Variants in FYB2 observed in about 807,000 individuals in gnomAD.
The protein encoded by FYB2 is FYN-binding protein 2.
In FYB2, 103 loss-of-function variants were observed where a neutral mutation model predicts 94.1. The ratio of observed to expected loss-of-function variants is 1.09; its 90% CI spans 0.93 to 1.29. The LOEUF is 1.29. Among genes scored for constraint, FYB2 ranks in the 50% most tolerant of loss-of-function variants. The probability of loss-of-function intolerance (pLI) is 0.00; values close to 1 mark genes in which losing one functional copy is unlikely to be tolerated. For missense variants in FYB2, 896 were observed against 841.5 expected (o/e 1.06, Z -0.80); for synonymous variants, 293 against 287.9 (o/e 1.02, Z -0.18).
At chr1:56,787,587 A>G (rs370654199) in intron 3 of FYB2, among the ~76,000 whole-genome samples, 13 of 152,218 alleles carry the variant, frequency 8.5e-5, no homozygotes, top group African/African-American at 3.1e-4. Context: ...TTCCTGGTAT[A>G]CCAAGCACTA....
intron 1 of FYB2, among the ~76,000 whole-genome samples, chr1:56,793,393 A>C (rs1003059694): frequency 6.6e-6 from 1 of 151,002 alleles, no homozygotes; most frequent in African/African-American, 2.5e-5. Context: ...CTGCCTACTA[A>C]TCCATCAATA....
chr1:56,814,370 C>T (rs115651648), intron 1 of FYB2, among the ~76,000 whole-genome samples: 3,776 of 152,272 alleles, frequency 0.025, 67 homozygotes, highest in Middle Eastern at 0.048. Flanking sequence ...GACCATTTCT[C>T]CCCAGGGGAA....
intron 15 of FYB2, among the ~76,000 whole-genome samples, chr1:56,734,097 C>T (rs1272638699): frequency 6.6e-6 from 1 of 152,070 alleles, no homozygotes; most frequent in African/African-American, 2.4e-5. Flanking sequence ...CTGGGTGCTC[C>T]TGTATTGGGT....
intron 19 of FYB2, 36 bp from the exon 20 acceptor site, chr1:56,719,728 T>G (rs1196724129): frequency 3.3e-6 from 5 of 1,515,058 alleles, no homozygotes; most frequent in Non-Finnish European, 4.5e-6. Context: ...CATTTTAAAA[T>G]ATAGGACAAT....
At chr1:56,825,460 C>A in the FYB2 span, among the ~76,000 whole-genome samples, 66,594 of 151,912 alleles carry the variant, frequency 0.44, 15,369 homozygotes, top group East Asian at 0.58. Context: ...ATCCATGTCT[C>A]TTCATCCATT....
chr1:56,720,545 G>A, intron 17 of FYB2: 1 of 371,828 alleles, frequency 2.7e-6, no homozygotes, highest in South Asian at 7.4e-5. Context: ...ACATTTGTTT[G>A]GTATGATTAT....
chr1:56,788,217 C>T (rs1646175866), intron 3 of FYB2, among the ~76,000 whole-genome samples: 1 of 152,196 alleles, frequency 6.6e-6, no homozygotes, highest in African/African-American at 2.4e-5. Context: ...TTGCCCAAAG[C>T]AGTTAAAATG....
chr1:56,784,040 ACAT>A (rs1187037290), intron 4 of FYB2, among the ~76,000 whole-genome samples: 2 of 152,316 alleles, frequency 1.3e-5, no homozygotes, highest in African/African-American at 2.4e-5. Context: ...GGTAATAACA[ACAT>A]CATCATTTCA....
intron 15 of FYB2, chr1:56,731,842 C>T (rs1452971952): frequency 6.6e-6 from 1 of 152,042 alleles, no homozygotes; most frequent in African/African-American, 2.4e-5. Context: ...AAGAAAAGTA[C>T]CTCAACATAA....
At chr1:56,740,199 G>A (rs1359146559) in intron 13 of FYB2, among the ~76,000 whole-genome samples, 2 of 152,038 alleles carry the variant, frequency 1.3e-5, no homozygotes, top group Non-Finnish European at 1.5e-5. Context: ...TTATCTCAGA[G>A]GATCTTTTCC....
intron 15 of FYB2, among the ~76,000 whole-genome samples, chr1:56,735,590 C>T (rs1212125832): frequency 6.6e-6 from 1 of 151,980 alleles, no homozygotes; most frequent in Non-Finnish European, 1.5e-5. Context: ...AATTGTAATC[C>T]CCATGTGTCG....
intron 8 of FYB2, 57 bp downstream of exon 8, chr1:56,753,781 AC>A: frequency 1.7e-6 from 2 of 1,199,442 alleles, no homozygotes; most frequent in Non-Finnish European, 1.2e-6. Context: ...ATATAAAGTC[AC>A]CCCCATGAAC....
chr1:56,825,562 C>A, the FYB2 span, among the ~76,000 whole-genome samples: 9 of 152,256 alleles, frequency 5.9e-5, no homozygotes, highest in African/African-American at 1.7e-4. Flanking sequence ...CCCTACGGAA[C>A]CTGTAGTCTA....
chr1:56,810,127 A>T (rs1412426167), intron 1 of FYB2, among the ~76,000 whole-genome samples: 1 of 152,184 alleles, frequency 6.6e-6, no homozygotes, highest in Non-Finnish European at 1.5e-5. Context: ...GGTGATTTTT[A>T]GTGATGAAAT....
intron 4 of FYB2, among the ~76,000 whole-genome samples, chr1:56,784,081 G>A (rs1280823753): frequency 6.6e-6 from 1 of 152,068 alleles, no homozygotes; most frequent in Non-Finnish European, 1.5e-5. Flanking sequence ...TAGATCTTAA[G>A]ATGTAGACCT....
chr1:56,719,757 A>C (rs1250944563), intron 19 of FYB2, 65 bp from the exon 20 acceptor site: 7 of 1,334,282 alleles, frequency 5.2e-6, no homozygotes, highest in Non-Finnish European at 7.3e-6. Context: ...TGAGTGGGAG[A>C]TTTCTAGGGA....
chr1:56,778,437 C>T (rs1645932660), intron 4 of FYB2, among the ~76,000 whole-genome samples: 1 of 152,108 alleles, frequency 6.6e-6, no homozygotes, highest in Non-Finnish European at 1.5e-5. Context: ...TTGTAGGCTC[C>T]CAGTTAGCAA....
chr1:56,753,751 C>T lies in FYB2; in HGVS notation c.1227+88G>A, dbSNP rs908249246. Reference sequence around the variant, plus strand: ...CATTGCCTTTTCTAACTCTGTCTCTCTGAAGAGCTCTCTCAGGCCATATAA... The same window carrying T: ...CATTGCCTTTTCTAACTCTGTCTCTTTGAAGAGCTCTCTCAGGCCATATAA... On this transcript the variant is annotated intron_variant, in intron 8 of 19. Transcript: ENST00000343433. The T allele has an allele frequency of 9.4e-6, 8 of 847,292 alleles. No individual in the cohort carries two copies. The African/African-American group carries it at 1.0e-4, about 11-fold the overall frequency. The allele number at this position is 847,292 out of a possible 1,614,324, so 52.5% of individuals were successfully genotyped here. A position where few individuals can be genotyped will look rare whatever the true frequency, so the allele number is the denominator to read the frequency against.
At chr1:56,794,858 C>A (rs778161369) in intron 1 of FYB2, among the ~76,000 whole-genome samples, 3 of 152,072 alleles carry the variant, frequency 2.0e-5, no homozygotes, top group African/African-American at 7.2e-5. Context: ...CTTTGTTGAG[C>A]CTTATTTTCC....
Sources: allele counts gnomAD v4.1 joint callset (sites outside exome capture counted in the v4.1 genomes callset), GRCh38; gene constraint gnomAD v4.1.1; transcripts MANE v1.5; gene names NCBI Gene and HGNC (gene_info 2026-07-23, HGNC 2026-07-21).